CLHC1: variants seen among roughly 807,000 people sequenced by gnomAD.
CLHC1 encodes the protein clathrin heavy chain linker domain containing 1, also known as clathrin heavy chain linker domain-containing protein 1.
In CLHC1, 72 loss-of-function variants were observed where a neutral mutation model predicts 69.5. The observed-to-expected ratio is 1.04, with a 90% confidence interval of 0.86 to 1.26. CLHC1 has a LOEUF of 1.26. Among genes scored for constraint, CLHC1 ranks in the 50% most tolerant of loss-of-function variants. The pLI is 0.00. For missense variants in CLHC1, 790 were observed against 679.3 expected (o/e 1.16, Z -1.81); for synonymous variants, 223 against 224.3 (o/e 0.99, Z 0.05).
At chr2:55,182,745 C>A (rs1211104514) in intron 9 of CLHC1, among the ~76,000 whole-genome samples, 1 of 152,136 alleles carries the variant, frequency 6.6e-6, no homozygotes, top group Non-Finnish European at 1.5e-5. Flanking sequence ...CACAAGATTG[C>A]ATGTTCCTTA....
In CLHC1 at chr2:55,217,894, A is replaced by T; in HGVS notation, c.282T>A (p.Cys94Ter). Residue 94 changes from cysteine (C) to a stop codon, truncating the protein, a stop_gained, in exon 4 of 13, where the codon TGT becomes TGA. Transcript: ENST00000401408. LOFTEE classifies it high-confidence loss of function. ...CCAAACCTTTAAGTTTTCCATGAAG[A>T]CAAAATGTAGTTCTTCGGTCTTTCT... is the stretch of plus-strand genomic sequence containing the variant. ...TIKKDRRTTF[C>*]LHGKLKGLAA... 1.2e-6 allele frequency: 2 copies of T among 1,606,170 alleles called. No homozygotes were observed. Among genetic ancestry groups the T allele is most frequent in the Non-Finnish European group, 1.7e-6 (2 of 1,176,584 alleles).
At chr2:55,208,786 T>C (rs1463765468) in intron 7 of CLHC1, 76 bp from the exon 8 acceptor site, 17 of 987,386 alleles carry the variant, frequency 1.7e-5, no homozygotes, top group Non-Finnish European at 2.6e-5. Context: ...TACATGTGTT[T>C]AATACCAACA....
intron 11 of CLHC1, among the ~76,000 whole-genome samples, chr2:55,177,994 T>C (rs564349150): frequency 2.6e-5 from 4 of 152,070 alleles, no homozygotes; most frequent in African/African-American, 9.6e-5. Context: ...AAAGGAAAAC[T>C]ACCCATAAGA....
intron 9 of CLHC1, among the ~76,000 whole-genome samples, chr2:55,205,960 A>G (rs1672402627): frequency 6.6e-6 from 1 of 152,126 alleles, no homozygotes; most frequent in Admixed American, 6.6e-5. Flanking sequence ...ATGTCAATTT[A>G]CCACAAGGAA....
intron 2 of CLHC1, among the ~76,000 whole-genome samples, chr2:55,226,266 T>C (rs1573794489): frequency 6.6e-6 from 1 of 151,600 alleles, no homozygotes; most frequent in Non-Finnish European, 1.5e-5. Context: ...CAGAAGTTGG[T>C]GCCTAAGATT....
intron 8 of CLHC1, among the ~76,000 whole-genome samples, chr2:55,208,097 A>G (rs1672617237): frequency 1.3e-5 from 2 of 152,228 alleles, no homozygotes; most frequent in Admixed American, 1.3e-4. Context: ...TCAGGAAGAC[A>G]TTCTCAAAAA....
chr2:55,222,267 A>G lies in CLHC1; in HGVS notation c.145T>C (p.Tyr49His). 6.2e-7 allele frequency: 1 copy of G among 1,613,402 alleles called. No individual in the cohort carries two copies. The highest frequency in any genetic ancestry group is 8.5e-7 in the Non-Finnish European group (1 of 1,179,518). ...GCSEEGPADE[Y>H]YIIYRNVFDK... is the part of the protein sequence containing the mutation. ...AAAACATTTCGGTATATGATGTAAT[A>G]TTCATCAGCAGGTCCTTCCTCACTA... Residue 49 changes from tyrosine to histidine, a missense_variant, in exon 3 of 13, where the codon TAT (tyrosine) becomes CAT (histidine). Transcript: ENST00000401408.
chr2:55,181,266 C>T (rs974826648), intron 10 of CLHC1, among the ~76,000 whole-genome samples: 7 of 152,160 alleles, frequency 4.6e-5, no homozygotes, highest in Non-Finnish European at 8.8e-5. Flanking sequence ...CAGGTGTGAG[C>T]TGCTGCACCT....
rs192525413 is a variant in CLHC1, at chr2:55,209,767, A to G, written c.564T>C (p.Asp188=). The part of the protein sequence containing the change: ...ALTKYMKHLE[D]KYAEIKQAML... ...TAGCTTGTTTAATTTCTGCATATTTATCTTCAAGATGTTTCATGTATTTAG... is the reference window on the plus strand; with the variant it reads ...TAGCTTGTTTAATTTCTGCATATTTGTCTTCAAGATGTTTCATGTATTTAG... Residue 188 remains aspartate (D), a synonymous_variant, in exon 6 of 13, where the codon GAT becomes GAC. Coordinates refer to ENST00000401408, the MANE Select transcript of CLHC1 (RefSeq NM_152385.4). The G allele has an allele frequency of 2.5e-6, 4 of 1,611,714 alleles. No homozygotes were observed. The highest frequency in any genetic ancestry group is 2.2e-5 in the South Asian group (2 of 91,054).
At chr2:55,211,477 G>A (rs917853595) in intron 5 of CLHC1, among the ~76,000 whole-genome samples, 11 of 143,684 alleles carry the variant, frequency 7.7e-5, no homozygotes, top group Non-Finnish European at 1.2e-4. Context: ...ACTACAGCCT[G>A]GGTGACAGAG....
intron 5 of CLHC1, 32 bp from the exon 6 acceptor site, chr2:55,209,863 A>C (rs772267688): frequency 4.9e-6 from 7 of 1,437,934 alleles, no homozygotes; most frequent in Middle Eastern, 3.5e-4. Flanking sequence ...CAAACACGAC[A>C]AGCCATGTGT....
chr2:55,199,774 A>G (rs1671763400), intron 9 of CLHC1, among the ~76,000 whole-genome samples: 1 of 152,200 alleles, frequency 6.6e-6, no homozygotes, highest in African/African-American at 2.4e-5. Context: ...AAATTCAAAC[A>G]TACCACCAGA....
In CLHC1 at chr2:55,231,065, C is replaced by T. The variant is rs558135388; in HGVS notation, c.-256+1158G>A. 3.0e-4 allele frequency among the ~76,000 whole-genome samples: 45 copies of T among 152,202 alleles called. No individual in the cohort carries two copies. In the South Asian group the frequency reaches 5.8e-3, roughly 20 times the overall value. ...AGGAGCTAGAGAACAGCCTGGCCAA[C>T]ATGGTGAAACCCCATCTCTACTAAA... On this transcript the variant is annotated intron_variant, in intron 1 of 12. Transcript: ENST00000401408.
chr2:55,183,556 G>A (rs1248211142), intron 9 of CLHC1, among the ~76,000 whole-genome samples: 1 of 152,158 alleles, frequency 6.6e-6, no homozygotes, highest in African/African-American at 2.4e-5. Context: ...CTAATGAAAT[G>A]TATGGATTTT....
intron 4 of CLHC1, among the ~76,000 whole-genome samples, chr2:55,215,582 C>T (rs560377331): frequency 1.3e-5 from 2 of 152,262 alleles, no homozygotes; most frequent in South Asian, 2.1e-4. Flanking sequence ...ATTTTCCTTG[C>T]GGTCCCAGGG....
At chr2:55,224,160 G>C (rs1310604019) in intron 2 of CLHC1, 2 of 196,714 alleles carry the variant, frequency 1.0e-5, no homozygotes, top group African/African-American at 4.7e-5. Flanking sequence ...TCACCCAGCG[G>C]CGAAGCCCAT....
chr2:55,231,124 C>T (rs1357497642), intron 1 of CLHC1, among the ~76,000 whole-genome samples: 5 of 151,986 alleles, frequency 3.3e-5, no homozygotes, highest in Non-Finnish European at 5.9e-5. Context: ...GTGGTGGGCG[C>T]CTGTAATCCC....
chr2:55,217,739 A>T, intron 4 of CLHC1, 72 bp downstream of exon 4: 1 of 902,346 alleles, frequency 1.1e-6, no homozygotes, highest in Non-Finnish European at 1.6e-6. Flanking sequence ...ACCACCAGCT[A>T]GAGTTACACT....
rs1670352992 is a variant in CLHC1, at chr2:55,185,682, T to C, written c.1007-3938A>G. On this transcript the variant is annotated intron_variant, in intron 9 of 12. Coordinates refer to ENST00000401408, the MANE Select transcript of CLHC1 (RefSeq NM_152385.4). ...ACAAATGAATGAGCTGGCTCCACAC[T>C]TGTCTGCCTCTTTATCTCTCTTCCC... Among the ~76,000 whole-genome samples the C allele has an allele frequency of 1.3e-5, 2 of 152,230 alleles. 1 individual carries two copies. Among genetic ancestry groups the C allele is most frequent in the Admixed American group, 1.3e-4 (2 of 15,280 alleles).
Sources: gnomAD v4.1 joint callset for allele counts (sites outside exome capture counted in the v4.1 genomes callset) on GRCh38, gnomAD v4.1.1 for gene constraint, MANE v1.5 for transcripts, NCBI Gene and HGNC (gene_info 2026-07-23, HGNC 2026-07-21) for gene names.